UROC1: variants seen among roughly 807,000 people sequenced by gnomAD.
UROC1 encodes urocanate hydratase.
Under a neutral mutation model 89.5 loss-of-function variants are expected in UROC1, and 79 were observed. The ratio of observed to expected loss-of-function variants is 0.88; its 90% CI spans 0.74 to 1.06. The LOEUF is 1.06. UROC1 is among the 50% of genes least tolerant of loss of function. UROC1 has a pLI of 0.00. For synonymous variants in UROC1, 361 were observed against 354.8 expected, an observed-to-expected ratio of 1.02 and a Z score of -0.20; for missense variants, 885 against 907.8, an observed-to-expected ratio of 0.97 and a Z score of 0.32.
At chr3:126,497,373 A>G (rs16837521) in intron 14 of UROC1, among the ~76,000 whole-genome samples, 82,983 of 152,098 alleles carry the variant, frequency 0.55, 22,892 homozygotes, top group South Asian at 0.63. Flanking sequence ...CTCAACGAGA[A>G]CAAAGGTTGG....
intron 2 of UROC1, 136 bp downstream of exon 2, chr3:126,510,528 C>A: frequency 7.1e-7 from 1 of 1,418,270 alleles, no homozygotes; most frequent in East Asian, 2.5e-5. Context: ...AATCTTCCCT[C>A]CCCTGCCTCC....
chr3:126,510,475 C>A (rs538334514), intron 2 of UROC1, among the ~76,000 whole-genome samples, 189 bp downstream of exon 2: 1 of 152,216 alleles, frequency 6.6e-6, no homozygotes, highest in African/African-American at 2.4e-5. Flanking sequence ...AGGCTCAGGG[C>A]GGCAGCCAGC....
Position 126,504,022 on chromosome 3 carries a change from C to T in UROC1, c.875G>A (p.Ser292Asn), listed in dbSNP as rs1422833934. 1 of 1,614,156 alleles carries T rather than the reference C, an allele frequency of 6.2e-7. No individual in the cohort carries two copies. The highest frequency in any genetic ancestry group is 8.5e-7 in the Non-Finnish European group (1 of 1,180,040). The part of the protein sequence containing the change: ...RQGWLMEVTD[S>N]LDRCIQRLRE... Reference sequence around the variant, plus strand: ...GAGCCTCTGGATGCAGCGGTCCAAGCTGTCAGTCACTTCCATCAGCCAGCC... The same window carrying T: ...GAGCCTCTGGATGCAGCGGTCCAAGTTGTCAGTCACTTCCATCAGCCAGCC... Residue 292 changes from serine to asparagine, a missense_variant, in exon 9 of 20, where the codon AGC (serine) becomes AAC (asparagine). By Grantham distance (46) the Ser-to-Asn change is conservative. Transcript: ENST00000290868.
chr3:126,516,331 C>T (rs1324328274), intron 1 of UROC1, among the ~76,000 whole-genome samples: 2 of 15,876 alleles, frequency 1.3e-4, no homozygotes, highest in Non-Finnish European at 2.9e-4. Context: ...CCCTTGTCAC[C>T]CCAGCACCCA....
chr3:126,495,994 T>C (rs570635485), intron 15 of UROC1, 44 bp downstream of exon 15: 1 of 1,594,568 alleles, frequency 6.3e-7, no homozygotes, highest in Non-Finnish European at 8.6e-7. Context: ...GGCAGTCTTC[T>C]GACAGCACAG....
rs1050454954 is a variant in UROC1, at chr3:126,481,719, C to T, written c.*626G>A. On this transcript the variant is annotated 3_prime_UTR_variant, in exon 20 of 20. Coordinates refer to ENST00000290868, the MANE Select transcript of UROC1 (RefSeq NM_144639.3). ...CAGCCTCAGGGGCCAGCAAAGGGTCCCCTTTGCTGTACCCCTCAGGCTGTG... is the reference window on the plus strand; with the variant it reads ...CAGCCTCAGGGGCCAGCAAAGGGTCTCCTTTGCTGTACCCCTCAGGCTGTG... The T allele has an allele frequency of 6.6e-6, 1 of 152,040 alleles. No homozygotes were observed. Among genetic ancestry groups the T allele is most frequent in the Non-Finnish European group, 1.5e-5 (1 of 68,100 alleles). The allele number at this position is 152,040 out of a possible 1,614,324, so 9.4% of individuals were successfully genotyped here.
Position 126,503,916 on chromosome 3 carries a change from G to A in UROC1, c.902+79C>T, listed in dbSNP as rs1378457073. On this transcript the variant is annotated intron_variant, in intron 9 of 19. Coordinates refer to ENST00000290868, the MANE Select transcript of UROC1 (RefSeq NM_144639.3). ...GCATTAAACAGGCCCACACCAAGCT[G>A]CCCCATGGGGGTCCTCTTGTGGTCT... is the stretch of plus-strand genomic sequence containing the variant. 55 of 1,533,018 alleles carry A rather than the reference G, an allele frequency of 3.6e-5. 1 individual carries two copies. The Admixed American group carries it at 8.8e-4, about 25-fold the overall frequency. The allele number at this position is 1,533,018 out of a possible 1,614,324, so 95.0% of individuals were successfully genotyped here. A position where few individuals can be genotyped will look rare whatever the true frequency, so the allele number is the denominator to read the frequency against.
intron 18 of UROC1, among the ~76,000 whole-genome samples, chr3:126,487,292 A>T (rs1935541044): frequency 6.6e-6 from 1 of 152,226 alleles, no homozygotes; most frequent in Non-Finnish European, 1.5e-5. Context: ...CCCCTCCGGA[A>T]ATGACTCAGG....
At position 126,499,905 on chromosome 3, in the gene UROC1, G is replaced by A. The variant is rs1935874611; in HGVS notation, c.1243+152C>T. 3.9e-5 allele frequency: 28 copies of A among 715,936 alleles called. 1 individual carries two copies. In the South Asian group the frequency reaches 4.6e-4, roughly 12 times the overall value. The allele number at this position is 715,936 out of a possible 1,614,324, so 44.3% of individuals were successfully genotyped here. A position where few individuals can be genotyped will look rare whatever the true frequency, so the allele number is the denominator to read the frequency against. ...CCACCTGGCTGGGCCTCAGCATCCA[G>A]AAGGCCTGGCAGAGGCACAGTGAAG... On this transcript the variant is annotated intron_variant, in intron 12 of 19. Transcript: ENST00000290868.
rs749493762 is a variant in UROC1 at position 126,504,051 on chromosome 3, C to G, written c.846G>C (p.Arg282Ser). The G allele has an allele frequency of 4.3e-6, 7 of 1,613,926 alleles. No individual in the cohort carries two copies. In the Admixed American group the frequency reaches 8.3e-5, roughly 19 times the overall value. ...CAGTCACTTCCATCAGCCAGCCCTG[C>G]CTGTGGCGTTTCTCAAGGGCTGCTT... ...VDKAALEKRH[R>S]QGWLMEVTDS... is the part of the protein sequence containing the mutation. Residue 282 changes from arginine to serine, a missense_variant, in exon 9 of 20, where the codon AGG (arginine) becomes AGC (serine). Arg to Ser is a moderately radical substitution (Grantham distance 110). Transcript: ENST00000290868.
At chr3:126,511,078 C>G (rs1285015681) in intron 1 of UROC1, among the ~76,000 whole-genome samples, 3 of 152,178 alleles carry the variant, frequency 2.0e-5, no homozygotes, top group Non-Finnish European at 4.4e-5. Flanking sequence ...GCGCTGCTTA[C>G]CCCCAGGCAG....
chr3:126,491,751 T>C (rs988915558), intron 16 of UROC1, among the ~76,000 whole-genome samples: 3 of 152,264 alleles, frequency 2.0e-5, no homozygotes, highest in Admixed American at 2.0e-4. Context: ...GCTTGGCGAT[T>C]GGCAAAATGA....
chr3:126,482,448 T>C lies in UROC1; in HGVS notation c.1928A>G (p.Tyr643Cys), dbSNP rs149008130. ...CTGCATGGTCTGGCAGATGATCTCA[T>C]AGGCCTTCTGGTTCCCTGACCAGCA... ...RRCWSGNQKA[Y>C]EIICQTMQEN... Residue 643 changes from tyrosine to cysteine, a missense_variant, in exon 20 of 20, where the codon TAT becomes TGT. Tyr to Cys is a radical substitution (Grantham distance 194). Coordinates refer to ENST00000290868, the MANE Select transcript of UROC1 (RefSeq NM_144639.3). The C allele has an allele frequency of 2.8e-4, 454 of 1,614,016 alleles. No individual in the cohort carries two copies. The African/African-American group carries it at 5.7e-3, about 20-fold the overall frequency.
chr3:126,511,515 C>T (rs1175062841), intron 1 of UROC1, among the ~76,000 whole-genome samples: 2 of 152,366 alleles, frequency 1.3e-5, no homozygotes, highest in East Asian at 1.9e-4. Flanking sequence ...CTTGACGGGA[C>T]ATTTTACTCA....
chr3:126,488,425 G>T (rs2107534189), intron 17 of UROC1, 146 bp from the exon 18 acceptor site: 1 of 828,420 alleles, frequency 1.2e-6, no homozygotes, highest in Non-Finnish European at 2.0e-6. Context: ...GCCTCTCACA[G>T]CAGCAGTCGT....
At chr3:126,496,362 T>C (rs1935777942) in intron 14 of UROC1, among the ~76,000 whole-genome samples, 1 of 152,176 alleles carries the variant, frequency 6.6e-6, no homozygotes, top group Non-Finnish European at 1.5e-5. Context: ...AAATAGCTAT[T>C]CAGTGCCTAC....
At chr3:126,510,110 G>A (rs1873388) in intron 2 of UROC1, among the ~76,000 whole-genome samples, 54,331 of 152,032 alleles carry the variant, frequency 0.36, 9,745 homozygotes, top group Admixed American at 0.4. Flanking sequence ...GATGACTCAA[G>A]GCAAGCCTGG....
intron 15 of UROC1, among the ~76,000 whole-genome samples, chr3:126,492,726 C>G (rs1935684624): frequency 6.6e-6 from 1 of 152,168 alleles, no homozygotes; most frequent in African/African-American, 2.4e-5. Flanking sequence ...CACTAGACAG[C>G]CATACCGGCC....
At chr3:126,500,899 T>C (rs1935904611) in intron 10 of UROC1, 25 bp from the exon 11 acceptor site, 1 of 1,609,108 alleles carries the variant, frequency 6.2e-7, no homozygotes, top group African/African-American at 1.3e-5. Context: ...CGGTGGTCAG[T>C]GCAAGCCACA....
Sources: allele counts gnomAD v4.1 joint callset (sites outside exome capture counted in the v4.1 genomes callset), GRCh38; gene constraint gnomAD v4.1.1; transcripts MANE v1.5; gene names NCBI Gene and HGNC (gene_info 2026-07-23, HGNC 2026-07-21).